ADAMTS20: variants seen among roughly 807,000 people sequenced by gnomAD.
ADAMTS20 encodes the protein ADAM metallopeptidase with thrombospondin type 1 motif 20.
Under a neutral mutation model 260.1 loss-of-function variants are expected in ADAMTS20, and 225 were observed. The observed-to-expected ratio is 0.87, with a 90% CI of 0.78 to 0.97. ADAMTS20 has a LOEUF of 0.97. Among genes scored for constraint, ADAMTS20 ranks in the 50% least tolerant of loss-of-function variants. The pLI is 0.00. For missense variants in ADAMTS20, 2,400 were observed against 2,337.7 expected, an observed-to-expected ratio of 1.03 and a Z score of -0.55; for synonymous variants, 802 against 769.5, an observed-to-expected ratio of 1.04 and a Z score of -0.70.
At chr12:43,452,724 C>T (rs1355643133) in intron 12 of ADAMTS20, 29 bp from the exon 13 acceptor site, 4 of 1,559,774 alleles carry the variant, frequency 2.6e-6, no homozygotes, top group Non-Finnish European at 3.5e-6. Flanking sequence ...TTTTAAAGCA[C>T]ATCAGTACAA....
At chr12:43,515,473 T>A (rs578141398) in intron 3 of ADAMTS20, among the ~76,000 whole-genome samples, 29 of 152,300 alleles carry the variant, frequency 1.9e-4, no homozygotes, top group East Asian at 9.6e-4. Flanking sequence ...CCAATTTTTT[T>A]ATTAATCTAC....
At chr12:43,390,448 T>A (rs565519314) in intron 29 of ADAMTS20, among the ~76,000 whole-genome samples, 1 of 152,234 alleles carries the variant, frequency 6.6e-6, no homozygotes, top group African/African-American at 2.4e-5. Context: ...TCTTTTTTAT[T>A]AACAACTCCA....
chr12:43,383,060 T>C (rs923129684), intron 31 of ADAMTS20, among the ~76,000 whole-genome samples: 8 of 152,004 alleles, frequency 5.3e-5, no homozygotes, highest in African/African-American at 1.9e-4. Flanking sequence ...AGATCACTAA[T>C]ATAGAAAACA....
chr12:43,453,097 T>A (rs976610303), intron 12 of ADAMTS20, among the ~76,000 whole-genome samples: 1 of 152,152 alleles, frequency 6.6e-6, no homozygotes, highest in Non-Finnish European at 1.5e-5. Context: ...GTCATGTATA[T>A]CTTATTTATC....
intron 11 of ADAMTS20, among the ~76,000 whole-genome samples, chr12:43,454,327 G>A (rs147284662): frequency 1.3e-5 from 2 of 152,238 alleles, no homozygotes; most frequent in East Asian, 1.9e-4. Context: ...GGAATATGGC[G>A]GGTATTTTTT....
chr12:43,478,548 A>T (rs1300164068), intron 7 of ADAMTS20, among the ~76,000 whole-genome samples: 1 of 152,154 alleles, frequency 6.6e-6, no homozygotes, highest in African/African-American at 2.4e-5. Flanking sequence ...CCCAAGCAGG[A>T]TAAATAAAAA....
At chr12:43,372,169 A>G (rs1219924816) in intron 36 of ADAMTS20, among the ~76,000 whole-genome samples, 2 of 152,174 alleles carry the variant, frequency 1.3e-5, no homozygotes, top group Non-Finnish European at 2.9e-5. Context: ...GGTACTTGAA[A>G]TCTATAAATT....
chr12:43,377,338 T>G (rs1258485329), intron 32 of ADAMTS20, 27 bp downstream of exon 32: 1 of 1,569,068 alleles, frequency 6.4e-7, no homozygotes. Flanking sequence ...TATTCAGAAG[T>G]TTTAAAATTC....
chr12:43,386,602 CCT>C (rs1402484730), intron 29 of ADAMTS20, among the ~76,000 whole-genome samples: 2 of 152,142 alleles, frequency 1.3e-5, no homozygotes, highest in African/African-American at 4.8e-5. Flanking sequence ...TTCCATTCTC[CCT>C]GTCACTTTCA....
intron 2 of ADAMTS20, among the ~76,000 whole-genome samples, chr12:43,533,238 AT>A (rs1282729380): frequency 3.0e-5 from 4 of 132,974 alleles, no homozygotes; most frequent in Non-Finnish European, 6.6e-5. Flanking sequence ...CTTTTTAATG[AT>A]TGCCATTCTA....
intron 29 of ADAMTS20, among the ~76,000 whole-genome samples, chr12:43,387,564 T>C (rs1940506818): frequency 6.6e-6 from 1 of 152,184 alleles, no homozygotes; most frequent in Non-Finnish European, 1.5e-5. Flanking sequence ...GGCAGGAACA[T>C]TTAAGTCTGC....
At chr12:43,417,835 A>T (rs1175444815) in intron 28 of ADAMTS20, among the ~76,000 whole-genome samples, 1 of 152,196 alleles carries the variant, frequency 6.6e-6, no homozygotes, top group Non-Finnish European at 1.5e-5. Context: ...AACTCATTAG[A>T]TTTCCTGACA....
chr12:43,356,146 C>T (rs983509666), intron 38 of ADAMTS20, among the ~76,000 whole-genome samples: 2 of 152,096 alleles, frequency 1.3e-5, no homozygotes, highest in African/African-American at 4.8e-5. Flanking sequence ...TAGTAAAAAG[C>T]ATACCTTTCT....
At chr12:43,497,697 A>C (rs1449769937) in intron 4 of ADAMTS20, among the ~76,000 whole-genome samples, 1 of 152,110 alleles carries the variant, frequency 6.6e-6, no homozygotes, top group Non-Finnish European at 1.5e-5. Flanking sequence ...CAGTAAAAGC[A>C]ACTAACAAGA....
chr12:43,407,333 T>A (rs1444196084), intron 28 of ADAMTS20, among the ~76,000 whole-genome samples: 1 of 151,524 alleles, frequency 6.6e-6, no homozygotes, highest in Non-Finnish European at 1.5e-5. Context: ...ATTGTAATAA[T>A]AATATATAAT....
chr12:43,445,940 C>CA lies in ADAMTS20; in HGVS notation c.2197+654dup, dbSNP rs200371891. ...AGATCTGCTTTAATTATCATAAAAA[C>CA]AAAAAAAAATTGCCCAGAAAACATT... is the stretch of plus-strand genomic sequence containing the variant. On this transcript the variant is annotated intron_variant, in intron 15 of 38. Coordinates refer to ENST00000389420, the MANE Select transcript of ADAMTS20 (RefSeq NM_025003.5). Among the ~76,000 whole-genome samples, 118 of 150,532 alleles carry CA rather than the reference C, an allele frequency of 7.8e-4. 1 individual carries two copies. The highest frequency in any genetic ancestry group is 1.9e-3 in the African/African-American group (80 of 41,072).
chr12:43,455,089 A>C (rs1439939289), intron 11 of ADAMTS20, among the ~76,000 whole-genome samples: 13 of 152,094 alleles, frequency 8.5e-5, no homozygotes, highest in Non-Finnish European at 1.5e-5. Flanking sequence ...CCACCATTCT[A>C]CTTTCTGTTT....
At chr12:43,545,055 A>G (rs192825522) in intron 2 of ADAMTS20, among the ~76,000 whole-genome samples, 1 of 152,260 alleles carries the variant, frequency 6.6e-6, no homozygotes, top group East Asian at 1.9e-4. Flanking sequence ...CTGGGGGACA[A>G]AACTGCTCCC....
Position 43,354,060 on chromosome 12 carries a change from T to G in ADAMTS20, c.*149A>C. 3.9e-6 allele frequency: 2 copies of G among 511,274 alleles called. No individual in the cohort carries two copies. The highest frequency in any genetic ancestry group is 3.7e-5 in the Admixed American group (1 of 27,160). The allele number at this position is 511,274 out of a possible 1,614,324, so 31.7% of individuals were successfully genotyped here. On this transcript the variant is annotated 3_prime_UTR_variant, in exon 39 of 39. Transcript: ENST00000389420. ...TTTATAGACCTTATTAAGCAGTGAT[T>G]TGAATCCCTGATGAGCACCCTGAAA...
Sources: allele counts gnomAD v4.1 joint callset (sites outside exome capture counted in the v4.1 genomes callset), GRCh38; gene constraint gnomAD v4.1.1; transcripts MANE v1.5; gene names NCBI Gene and HGNC (gene_info 2026-07-23, HGNC 2026-07-21).